Variants in TTLL12 observed in about 807,000 individuals in gnomAD.
The protein encoded by TTLL12 is tubulin--tyrosine ligase-like protein 12.
Under a neutral mutation model 79.6 loss-of-function variants are expected in TTLL12, and 77 were observed. That is an observed-to-expected ratio of 0.97 (90% CI 0.81 to 1.17). TTLL12 has a LOEUF of 1.17. Ranked by LOEUF, TTLL12 falls within the 50% of genes most tolerant of loss-of-function variation. TTLL12 has a pLI of 0.00. For synonymous variants in TTLL12, 437 were observed against 376.1 expected, an observed-to-expected ratio of 1.16 and a Z score of -1.87; for missense variants, 969 against 895.9, an observed-to-expected ratio of 1.08 and a Z score of -1.04.
In TTLL12 at chr22:43,167,103, G is replaced by T. The variant is rs1398304118; in HGVS notation, c.*905C>A. The T allele has an allele frequency of 8.3e-6, 4 of 482,330 alleles. No individual in the cohort carries two copies. Among genetic ancestry groups the T allele is most frequent in the Non-Finnish European group, 1.7e-5 (4 of 232,920 alleles). 29.9% of individuals were successfully genotyped at this position (482,330 alleles called of 1,614,324 possible). ...ATAAGAAAAAGCCAACATTTTGACTGTAGACCCTGGTAGGTGGCATCTGAC... is the reference window on the plus strand; with the variant it reads ...ATAAGAAAAAGCCAACATTTTGACTTTAGACCCTGGTAGGTGGCATCTGAC... On this transcript the variant is annotated 3_prime_UTR_variant, in exon 14 of 14. Transcript: ENST00000216129.
In TTLL12 at chr22:43,174,241, C is replaced by T. The variant is rs1273197422; in HGVS notation, c.1197G>A (p.Gln399=). Residue 399 remains glutamine, a synonymous_variant, in exon 8 of 14, where the codon CAG becomes CAA. Transcript: ENST00000216129. Reference sequence around the variant, plus strand: ...CCCGCTGCTGGAAGTAGCTGACAAACTGGGGCAGCTCAGTGCGCAGGTTGA... The same window carrying T: ...CCCGCTGCTGGAAGTAGCTGACAAATTGGGGCAGCTCAGTGCGCAGGTTGA... The part of the protein sequence containing the change: ...RTFNLRTELP[Q]FVSYFQQRER... The T allele has an allele frequency of 3.7e-6, 6 of 1,607,250 alleles. No individual in the cohort carries two copies. The highest frequency in any genetic ancestry group is 5.1e-6 in the Non-Finnish European group (6 of 1,179,886).
At chr22:43,175,901 T>C (rs975545840) in intron 6 of TTLL12, among the ~76,000 whole-genome samples, 13 of 149,394 alleles carry the variant, frequency 8.7e-5, no homozygotes, top group African/African-American at 3.2e-4. Context: ...CTGGCCAGGC[T>C]GGTGTTGAAC....
chr22:43,176,522 G>C (rs1931917563), intron 5 of TTLL12, 126 bp from the exon 6 acceptor site: 2 of 760,772 alleles, frequency 2.6e-6, no homozygotes, highest in Non-Finnish European at 4.6e-6. Flanking sequence ...GTGATGTCAG[G>C]AGCTCGAGAC....
intron 2 of TTLL12, 33 bp downstream of exon 2, chr22:43,182,947 A>AG (rs1473031012): frequency 1.1e-5 from 18 of 1,602,262 alleles, no homozygotes; most frequent in Non-Finnish European, 1.5e-5. Context: ...CACCAAGTGA[A>AG]GGTTGTGGTG....
At position 43,168,763 on chromosome 22, in the gene TTLL12, GC is replaced by G; in HGVS notation, c.1783+10del. On this transcript the variant is annotated intron_variant, in intron 13 of 13. Transcript: ENST00000216129. ...GCTGGTTTGGATCAGGAGATGGGGAGCCCCTCTTACCATCTGGGCCGTTGTC... is the reference window on the plus strand; with the variant it reads ...GCTGGTTTGGATCAGGAGATGGGGAGCCCTCTTACCATCTGGGCCGTTGTC... 1 of 1,551,708 alleles carries G rather than the reference GC, an allele frequency of 6.4e-7. No individual in the cohort carries two copies. Among genetic ancestry groups the G allele is most frequent in the Non-Finnish European group, 8.7e-7 (1 of 1,148,416 alleles).
intron 11 of TTLL12, chr22:43,170,272 C>CA (rs1931730836): frequency 3.7e-6 from 1 of 272,742 alleles, no homozygotes; most frequent in African/African-American, 2.2e-5. Flanking sequence ...TGGGGCCCTG[C>CA]TGGGGGGTCT....
chr22:43,174,952 T>G (rs1279255304), intron 6 of TTLL12, among the ~76,000 whole-genome samples: 2 of 152,262 alleles, frequency 1.3e-5, no homozygotes, highest in Non-Finnish European at 2.9e-5. Context: ...AACAAGAGGA[T>G]GAGGCTGGGG....
At chr22:43,186,198 C>A (rs374439435) in intron 1 of TTLL12, among the ~76,000 whole-genome samples, 3 of 148,682 alleles carry the variant, frequency 2.0e-5, no homozygotes, top group East Asian at 3.9e-4. Context: ...CACCCCCCCC[C>A]CCGCCAGCCC....
chr22:43,174,915 G>C (rs1239366744), intron 6 of TTLL12, among the ~76,000 whole-genome samples: 3 of 152,256 alleles, frequency 2.0e-5, no homozygotes, highest in Non-Finnish European at 4.4e-5. Flanking sequence ...TGTTTATTAT[G>C]TGCTAGTTCT....
At position 43,174,552 on chromosome 22, in the gene TTLL12, C is replaced by G; in HGVS notation, c.981G>C (p.Gln327His). Residue 327 changes from glutamine to histidine, a missense_variant, in exon 7 of 14, where the codon CAG becomes CAC. Coordinates refer to ENST00000216129, the MANE Select transcript of TTLL12 (RefSeq NM_015140.4). ...AGAGGATGTCGGCGTCCGCCTCACT[C>G]TGGGTGAGGGTGAAGCGCGGGTGGG... is the stretch of plus-strand genomic sequence containing the variant. ...SLTHPRFTLT[Q>H]SEADADILFN... is the part of the protein sequence containing the mutation. The G allele has an allele frequency of 2.5e-6, 4 of 1,613,528 alleles. No homozygotes were observed. Among genetic ancestry groups the G allele is most frequent in the Non-Finnish European group, 3.4e-6 (4 of 1,179,812 alleles).
intron 8 of TTLL12, among the ~76,000 whole-genome samples, 155 bp downstream of exon 8, chr22:43,174,054 T>C (rs753373376): frequency 4.6e-5 from 7 of 152,104 alleles, no homozygotes; most frequent in Non-Finnish European, 8.8e-5. Flanking sequence ...GGAGAGGTCC[T>C]GCGGTCCGTG....
chr22:43,186,199 C>CCCCG (rs1555982142), intron 1 of TTLL12, among the ~76,000 whole-genome samples: 6 of 147,962 alleles, frequency 4.1e-5, no homozygotes, highest in Non-Finnish European at 7.6e-5. Context: ...ACCCCCCCCC[C>CCCCG]CGCCAGCCCG....
rs764196779 is a variant in TTLL12, at chr22:43,183,092, C to T, written c.235G>A (p.Glu79Lys). ...IMQVEEVEEE[E>K]DEAAREVRKQ... is the part of the protein sequence containing the mutation. Reference sequence around the variant, plus strand: ...CGCACCTCCCGGGCTGCCTCGTCCTCCTCCTCTTCTACCTCCTCCACTTGC... The same window carrying T: ...CGCACCTCCCGGGCTGCCTCGTCCTTCTCCTCTTCTACCTCCTCCACTTGC... The change falls in exon 2 of 14, where the codon GAG (glutamate) becomes AAG (lysine). Residue 79 changes from glutamate to lysine, a missense_variant. Glu to Lys is a moderately conservative substitution (Grantham distance 56). Transcript: ENST00000216129. 1.2e-6 allele frequency: 2 copies of T among 1,613,884 alleles called. No individual in the cohort carries two copies. The highest frequency in any genetic ancestry group is 2.7e-5 in the African/African-American group (2 of 74,930).
chr22:43,176,305 G>A lies in TTLL12; in HGVS notation c.917+15C>T, dbSNP rs538850824. 3.6e-5 allele frequency: 57 copies of A among 1,572,680 alleles called. No individual in the cohort carries two copies. In the East Asian group the frequency reaches 4.5e-4, roughly 13 times the overall value. ...GGACAAGTCCCAGCCCAAGCAGTGG[G>A]GGGGGGCTACGCACTTGAAGATGTG... On this transcript the variant is annotated intron_variant, in intron 6 of 13. Coordinates refer to ENST00000216129, the MANE Select transcript of TTLL12 (RefSeq NM_015140.4).
rs745511557 is a variant in TTLL12, at chr22:43,179,631, G to A, written c.828C>T (p.Ala276=). Residue 276 remains alanine (A), a synonymous_variant, in exon 5 of 14, where the codon GCC becomes GCT. Coordinates refer to ENST00000216129, the MANE Select transcript of TTLL12 (RefSeq NM_015140.4). Reference sequence around the variant, plus strand: ...AGGAGGGCTGCACCTGGTAGTGCTCGGCGGGCGGCTCGGGTGTGCAAGAGC... The same window carrying A: ...AGGAGGGCTGCACCTGGTAGTGCTCAGCGGGCGGCTCGGGTGTGCAAGAGC... ...DLSSCTPEPP[A]EHYQAILEEN... 47 of 1,583,514 alleles carry A rather than the reference G, an allele frequency of 3.0e-5. No homozygotes were observed. The highest frequency in any genetic ancestry group is 2.9e-4 in the Admixed American group (16 of 54,926).
In TTLL12 at chr22:43,179,944, G is replaced by T; in HGVS notation, c.603C>A (p.Ile201=). The change falls in exon 4 of 14, where the codon ATC becomes ATA. Residue 201 remains isoleucine (I), a synonymous_variant. Transcript: ENST00000216129. ...WYIMDEFGSR[I]QHADVPSFAT... ...CGAAGCTGGGCACGTCCGCGTGCTG[G>T]ATCCGCGAACCGAACTCGTCCATGA... The T allele has an allele frequency of 6.2e-7, 1 of 1,610,656 alleles. No individual in the cohort carries two copies.
intron 5 of TTLL12, among the ~76,000 whole-genome samples, chr22:43,177,407 A>G (rs992126240): frequency 1.3e-5 from 2 of 152,192 alleles, no homozygotes; most frequent in Admixed American, 1.3e-4. Flanking sequence ...AAACATGCCT[A>G]CAAACTCTTT....
intron 1 of TTLL12, among the ~76,000 whole-genome samples, 163 bp from the exon 2 acceptor site, chr22:43,183,312 G>A (rs955493783): frequency 6.6e-6 from 1 of 152,132 alleles, no homozygotes; most frequent in Non-Finnish European, 1.5e-5. Context: ...ACAGTCTTAC[G>A]GGCGGGGAGA....
chr22:43,179,683 C>G lies in TTLL12; in HGVS notation c.776G>C (p.Trp259Ser). Residue 259 changes from tryptophan to serine, a missense_variant, in exon 5 of 14, where the codon TGG becomes TCG. Coordinates refer to ENST00000216129, the MANE Select transcript of TTLL12 (RefSeq NM_015140.4). ...PLIRKCMLLPWAPTDMLDLSS... is the reference protein window; with the variant it reads ...PLIRKCMLLPSAPTDMLDLSS... ...GAGGTCCAGCATGTCGGTGGGGGCC[C>G]AGGGCAGCAGCATGCACTTCCGGAT... 6.4e-7 allele frequency: 1 copy of G among 1,572,636 alleles called. No individual in the cohort carries two copies. Among genetic ancestry groups the G allele is most frequent in the East Asian group, 2.3e-5 (1 of 44,334 alleles).
Sources: gnomAD v4.1 joint callset for allele counts (sites outside exome capture counted in the v4.1 genomes callset) on GRCh38, gnomAD v4.1.1 for gene constraint, MANE v1.5 for transcripts, NCBI Gene and HGNC (gene_info 2026-07-23, HGNC 2026-07-21) for gene names.